The following BMPR1B variants were observed in gnomAD, a reference collection of about 807,000 sequenced individuals.
The protein encoded by BMPR1B is bone morphogenetic protein receptor type 1B, also known as bone morphogenetic protein receptor type-1B.
A neutral mutation model predicts 59.1 loss-of-function variants in BMPR1B; 12 were observed. That is an observed-to-expected ratio of 0.20 (90% CI 0.13 to 0.33). The LOEUF (loss-of-function observed/expected upper bound fraction) is 0.33. Among genes scored for constraint, BMPR1B ranks in the 10% least tolerant of loss-of-function variants. The pLI, the probability that BMPR1B is intolerant of heterozygous loss-of-function variation, is 1.00. For synonymous variants in BMPR1B, 237 were observed against 207.3 expected (o/e 1.14, Z -1.23); for missense variants, 550 against 610.9 (o/e 0.90, Z 1.05).
At chr4:94,828,719 A>G (rs893949901) in intron 1 of BMPR1B, among the ~76,000 whole-genome samples, 3 of 152,142 alleles carry the variant, frequency 2.0e-5, no homozygotes, top group African/African-American at 4.8e-5. Flanking sequence ...TCCCAGCACT[A>G]TGAGCATCAC....
chr4:95,122,869 T>C (rs1732629162), intron 6 of BMPR1B, among the ~76,000 whole-genome samples: 1 of 152,140 alleles, frequency 6.6e-6, no homozygotes, highest in African/African-American at 2.4e-5. Context: ...ATACTACCTT[T>C]TAAAATTAAA....
intron 6 of BMPR1B, among the ~76,000 whole-genome samples, chr4:95,117,327 C>T (rs17023055): frequency 0.1 from 15,493 of 152,080 alleles, 1,936 homozygotes; most frequent in African/African-American, 0.3. Context: ...AACACAGCAC[C>T]GGAAAGTTTA....
At chr4:94,767,699 A>G (rs1011343728) in intron 1 of BMPR1B, among the ~76,000 whole-genome samples, 4 of 152,132 alleles carry the variant, frequency 2.6e-5, no homozygotes, top group African/African-American at 7.2e-5. Flanking sequence ...CAATTTGGAA[A>G]ATGATCTTTG....
At chr4:94,771,140 C>T (rs1722171715) in intron 1 of BMPR1B, among the ~76,000 whole-genome samples, 1 of 152,166 alleles carries the variant, frequency 6.6e-6, no homozygotes, top group Non-Finnish European at 1.5e-5. Context: ...GATATACACA[C>T]ACATACAAAC....
intron 1 of BMPR1B, among the ~76,000 whole-genome samples, chr4:94,810,975 A>C (rs1402003292): frequency 6.6e-6 from 1 of 152,196 alleles, no homozygotes; most frequent in Non-Finnish European, 1.5e-5. Context: ...GTTATAAGTT[A>C]CGACGTTTAT....
chr4:95,080,347 C>T (rs557827263), intron 3 of BMPR1B, among the ~76,000 whole-genome samples: 1 of 152,158 alleles, frequency 6.6e-6, no homozygotes, highest in Non-Finnish European at 1.5e-5. Flanking sequence ...AGTGATTTAC[C>T]TCCCTCAACC....
intron 2 of BMPR1B, chr4:94,995,699 G>A (rs1481025408): frequency 6.6e-6 from 1 of 152,136 alleles, no homozygotes; most frequent in Non-Finnish European, 1.5e-5. Flanking sequence ...CCTGATTTGG[G>A]CCTCAGGAAA....
At chr4:95,068,949 T>C (rs1030200017) in intron 3 of BMPR1B, among the ~76,000 whole-genome samples, 11 of 152,182 alleles carry the variant, frequency 7.2e-5, no homozygotes, top group Non-Finnish European at 1.5e-4. Flanking sequence ...ATGAAACCAA[T>C]TTTTTTCATC....
At chr4:94,795,517 T>G (rs996765393) in intron 1 of BMPR1B, among the ~76,000 whole-genome samples, 1 of 152,078 alleles carries the variant, frequency 6.6e-6, no homozygotes, top group Admixed American at 6.6e-5. Context: ...CAGGTTGGAG[T>G]GCAGTGGCGT....
At chr4:95,045,699 G>A (rs1336134090) in intron 3 of BMPR1B, among the ~76,000 whole-genome samples, 1 of 152,028 alleles carries the variant, frequency 6.6e-6, no homozygotes, top group Non-Finnish European at 1.5e-5. Flanking sequence ...TTTTTTCCAT[G>A]TTTCCTCAGC....
At chr4:94,799,672 T>A (rs1723331366) in intron 1 of BMPR1B, among the ~76,000 whole-genome samples, 1 of 151,596 alleles carries the variant, frequency 6.6e-6, no homozygotes, top group African/African-American at 2.4e-5. Context: ...TGGGTGTCAC[T>A]TTTTAGTTGT....
chr4:94,768,955 C>T (rs779210983), intron 1 of BMPR1B, among the ~76,000 whole-genome samples: 9 of 152,020 alleles, frequency 5.9e-5, no homozygotes, highest in Non-Finnish European at 1.2e-4. Context: ...CTTTGATATA[C>T]AAAAATCTAT....
chr4:94,785,914 C>G (rs1722746968), intron 1 of BMPR1B, among the ~76,000 whole-genome samples: 1 of 152,136 alleles, frequency 6.6e-6, no homozygotes, highest in South Asian at 2.1e-4. Flanking sequence ...GCCCTACTTT[C>G]TCTGGATTCT....
intron 1 of BMPR1B, among the ~76,000 whole-genome samples, chr4:94,843,659 A>G (rs370211933): frequency 7.8e-6 from 1 of 127,546 alleles, no homozygotes; most frequent in Admixed American, 7.4e-5. Flanking sequence ...AGTCTATTCA[A>G]TGACAAATTA....
intron 6 of BMPR1B, among the ~76,000 whole-genome samples, chr4:95,116,877 T>A (rs563192818): frequency 2.6e-5 from 4 of 151,358 alleles, no homozygotes; most frequent in Non-Finnish European, 1.5e-5. Context: ...CTCACCAGCA[T>A]TTTTTTTTAA....
intron 1 of BMPR1B, among the ~76,000 whole-genome samples, chr4:94,790,997 T>C (rs1722965507): frequency 6.6e-6 from 1 of 152,094 alleles, no homozygotes; most frequent in South Asian, 2.1e-4. Context: ...TTTGTTTGTT[T>C]GTTTTTCTGA....
At chr4:94,965,004 ATCT>A (rs2149070220) in intron 2 of BMPR1B, among the ~76,000 whole-genome samples, 1 of 152,204 alleles carries the variant, frequency 6.6e-6, no homozygotes, top group Admixed American at 6.5e-5. Flanking sequence ...CATCTAAGAA[ATCT>A]TCTGCTATAC....
chr4:94,996,861 A>T (rs1180796205), intron 3 of BMPR1B, among the ~76,000 whole-genome samples: 1 of 152,214 alleles, frequency 6.6e-6, no homozygotes, highest in Admixed American at 6.5e-5. Context: ...CTGTCATCAC[A>T]GGTAGCACTT....
At chr4:94,961,547 A>G (rs537909127) in intron 2 of BMPR1B, among the ~76,000 whole-genome samples, 1 of 152,278 alleles carries the variant, frequency 6.6e-6, no homozygotes, top group East Asian at 1.9e-4. Context: ...TGCTTTATTA[A>G]AAGCTTCCTT....
Sources: gnomAD v4.1 joint callset for allele counts (sites outside exome capture counted in the v4.1 genomes callset) on GRCh38, gnomAD v4.1.1 for gene constraint, MANE v1.5 for transcripts, NCBI Gene and HGNC (gene_info 2026-07-23, HGNC 2026-07-21) for gene names.